Variants in RCAN2 observed in about 807,000 individuals in gnomAD.
RCAN2 encodes the protein regulator of calcineurin 2, also known as calcipressin-2.
Under a neutral mutation model 23.6 loss-of-function variants are expected in RCAN2, and 9 were observed. The observed-to-expected ratio is 0.38, with a 90% CI of 0.23 to 0.67. The LOEUF is 0.67. Ranked by LOEUF, RCAN2 falls within the 30% of genes least tolerant of loss-of-function variation. RCAN2 has a pLI of 0.51. For missense variants in RCAN2, 273 were observed against 302.3 expected, an observed-to-expected ratio of 0.90 and a Z score of 0.72; for synonymous variants, 109 against 115.7, an observed-to-expected ratio of 0.94 and a Z score of 0.37.
chr6:46,446,938 C>T (rs1339513139), intron 2 of RCAN2, among the ~76,000 whole-genome samples: 2 of 152,044 alleles, frequency 1.3e-5, no homozygotes, highest in Non-Finnish European at 2.9e-5. Context: ...AACAGATCTA[C>T]AAAGCAACTA....
At chr6:46,368,178 A>G (rs945590118) in intron 2 of RCAN2, among the ~76,000 whole-genome samples, 1 of 152,198 alleles carries the variant, frequency 6.6e-6, no homozygotes, top group African/African-American at 2.4e-5. Context: ...TGTTCCAATC[A>G]AGCTTTATGT....
In RCAN2 at chr6:46,436,496, T is replaced by C. The variant is rs540716676; in HGVS notation, c.225+20256A>G. ...TCCCAAACTGCTGGGATTATCGGCA[T>C]GAGCCACCGTGCCGGGCCCAGAGTC... On this transcript the variant is annotated intron_variant, in intron 2 of 4. Coordinates refer to ENST00000371374, the MANE Select transcript of RCAN2 (RefSeq NM_001251974.2). Among the ~76,000 whole-genome samples, 84 of 152,338 alleles carry C rather than the reference T, an allele frequency of 5.5e-4. 1 individual carries two copies. The highest frequency in any genetic ancestry group is 3.4e-3 in the Middle Eastern group (1 of 294).
chr6:46,466,477 C>A (rs754309976), intron 1 of RCAN2, among the ~76,000 whole-genome samples: 1 of 152,162 alleles, frequency 6.6e-6, no homozygotes, highest in Non-Finnish European at 1.5e-5. Flanking sequence ...GCAGGTCACA[C>A]TCCCTTCCAC....
chr6:46,331,801 T>C (rs1582112666), intron 2 of RCAN2, among the ~76,000 whole-genome samples: 1 of 152,208 alleles, frequency 6.6e-6, no homozygotes, highest in South Asian at 2.1e-4. Context: ...TGAGTTCAGA[T>C]TGATCATTCC....
chr6:46,245,011 T>C (rs1356859372), intron 4 of RCAN2, among the ~76,000 whole-genome samples: 2 of 152,220 alleles, frequency 1.3e-5, no homozygotes, highest in African/African-American at 4.8e-5. Context: ...GTAGACTTAA[T>C]TTACTTTATA....
rs1029393868 is a variant in RCAN2 at position 46,269,640 on chromosome 6, C to T, written c.226-20744G>A. On this transcript the variant is annotated intron_variant, in intron 2 of 4. Transcript: ENST00000371374. ...TAAGTAAAGACGGCTGGAGGAGTGC[C>T]AGCTGCAGCTGTGCAGATACAGGCC... 4.6e-4 allele frequency among the ~76,000 whole-genome samples: 70 copies of T among 152,166 alleles called. 1 individual carries two copies. Among genetic ancestry groups the T allele is most frequent in the Middle Eastern group, 3.2e-3 (1 of 316 alleles).
At chr6:46,286,966 T>C (rs2150342498) in intron 2 of RCAN2, among the ~76,000 whole-genome samples, 1 of 151,734 alleles carries the variant, frequency 6.6e-6, no homozygotes, top group East Asian at 1.9e-4. Context: ...GATCGCGCCG[T>C]TGTACTCTAG....
chr6:46,290,106 T>C (rs1453927949), intron 2 of RCAN2, among the ~76,000 whole-genome samples: 1 of 151,868 alleles, frequency 6.6e-6, no homozygotes, highest in Non-Finnish European at 1.5e-5. Flanking sequence ...CGACCCTCCA[T>C]GGACTGCCAG....
chr6:46,339,843 T>C (rs1764249257), intron 2 of RCAN2, among the ~76,000 whole-genome samples: 3 of 152,102 alleles, frequency 2.0e-5, no homozygotes, highest in Admixed American at 1.3e-4. Context: ...TAGAATCCAA[T>C]AGGAAAATAG....
chr6:46,223,354 T>A (rs1765544518), intron 4 of RCAN2, 53 bp from the exon 5 acceptor site: 1 of 1,537,284 alleles, frequency 6.5e-7, no homozygotes, highest in Admixed American at 1.7e-5. Flanking sequence ...TCAAAAGAGA[T>A]CCTGGAGCAG....
At chr6:46,397,382 C>CAG (rs1766123007) in intron 2 of RCAN2, among the ~76,000 whole-genome samples, 1 of 151,282 alleles carries the variant, frequency 6.6e-6, no homozygotes, top group Admixed American at 6.6e-5. Context: ...AACACACACA[C>CAG]ACACACACAC....
chr6:46,397,597 AT>A (rs1177385810), intron 2 of RCAN2, among the ~76,000 whole-genome samples: 5 of 152,164 alleles, frequency 3.3e-5, no homozygotes, highest in Non-Finnish European at 5.9e-5. Context: ...ATCTATAATT[AT>A]TTTTTAACCT....
chr6:46,397,398 C>CACACACAT (rs1554138703), intron 2 of RCAN2, among the ~76,000 whole-genome samples: 1 of 151,792 alleles, frequency 6.6e-6, no homozygotes, highest in African/African-American at 2.4e-5. Context: ...CACACACACA[C>CACACACAT]ACACACACCA....
intron 2 of RCAN2, among the ~76,000 whole-genome samples, chr6:46,361,874 C>G (rs1384542764): frequency 1.3e-5 from 2 of 152,150 alleles, no homozygotes; most frequent in Non-Finnish European, 2.9e-5. Context: ...TTATCTTTAG[C>G]TGGATAAAAT....
intron 2 of RCAN2, among the ~76,000 whole-genome samples, chr6:46,351,891 G>A (rs990102033): frequency 6.6e-6 from 1 of 152,208 alleles, no homozygotes; most frequent in Non-Finnish European, 1.5e-5. Context: ...GGAACTCAGT[G>A]TAGTTTACTT....
chr6:46,386,280 C>A (rs12110426), intron 2 of RCAN2, among the ~76,000 whole-genome samples: 2,593 of 152,108 alleles, frequency 0.017, 54 homozygotes, highest in South Asian at 0.12. Context: ...CTCAACATCA[C>A]TGATCATTAG....
At chr6:46,416,640 G>A (rs550209658) in intron 2 of RCAN2, among the ~76,000 whole-genome samples, 109 of 151,604 alleles carry the variant, frequency 7.2e-4, no homozygotes, top group African/African-American at 2.3e-3. Flanking sequence ...TCAGCCTTCC[G>A]AGTGGCTAGG....
rs1342035450 is a variant in RCAN2 at position 46,490,435 on chromosome 6, C to G, written c.-3+738G>C. ...TGGGATAAGAAATAGGCAGAAGTAC[C>G]TCGAAGAATAAATCATTAACTAAAA... On this transcript the variant is annotated intron_variant, in intron 1 of 4. Transcript: ENST00000371374. Among the ~76,000 whole-genome samples the G allele has an allele frequency of 2.6e-5, 4 of 152,260 alleles. No individual in the cohort carries two copies. The East Asian group carries it at 7.7e-4, about 29-fold the overall frequency.
At chr6:46,297,909 G>T (rs1262386418) in intron 2 of RCAN2, among the ~76,000 whole-genome samples, 1 of 152,102 alleles carries the variant, frequency 6.6e-6, no homozygotes, top group African/African-American at 2.4e-5. Flanking sequence ...CAAATAGTCT[G>T]AGGTGAGAAC....
Sources: gnomAD v4.1 joint callset for allele counts (sites outside exome capture counted in the v4.1 genomes callset) on GRCh38, gnomAD v4.1.1 for gene constraint, MANE v1.5 for transcripts, NCBI Gene and HGNC (gene_info 2026-07-23, HGNC 2026-07-21) for gene names.